Variants in CACNA1A observed in about 807,000 individuals in gnomAD.
CACNA1A encodes the protein voltage-dependent P/Q-type calcium channel subunit alpha-1A.
Under a neutral mutation model 262.4 loss-of-function variants are expected in CACNA1A, and 57 were observed. The ratio of observed to expected loss-of-function variants is 0.22; its 90% CI spans 0.18 to 0.27. The LOEUF is 0.27. Among genes scored for constraint, CACNA1A ranks in the 10% least tolerant of loss-of-function variants. The probability of loss-of-function intolerance (pLI) is 1.00; values close to 1 mark genes in which losing one functional copy is unlikely to be tolerated. For missense variants in CACNA1A, 2,526 were observed against 3,562.8 expected (o/e 0.71, Z 7.41); for synonymous variants, 1,431 against 1,419.3 (o/e 1.01, Z -0.18).
intron 34 of CACNA1A, among the ~76,000 whole-genome samples, chr19:13,232,439 GCTC>G (rs1470438246): frequency 1.3e-5 from 2 of 151,942 alleles, no homozygotes; most frequent in Non-Finnish European, 2.9e-5. Context: ...TGCTTTAAAA[GCTC>G]CCCTCTTGGC....
intron 10 of CACNA1A, among the ~76,000 whole-genome samples, chr19:13,327,567 T>C (rs1424552316): frequency 6.6e-6 from 1 of 150,620 alleles, no homozygotes; most frequent in East Asian, 1.9e-4. Context: ...TACATATATA[T>C]GTATATGCAG....
At chr19:13,283,212 A>G in intron 22 of CACNA1A, 55 bp downstream of exon 22, 1 of 1,591,934 alleles carries the variant, frequency 6.3e-7, no homozygotes, top group Non-Finnish European at 8.6e-7. Flanking sequence ...TGCAGGAGAA[A>G]GTGGCCTGAG....
At chr19:13,409,958 A>C (rs958086269) in intron 3 of CACNA1A, among the ~76,000 whole-genome samples, 1 of 152,182 alleles carries the variant, frequency 6.6e-6, no homozygotes, top group African/African-American at 2.4e-5. Context: ...ATAAAAATAT[A>C]AAAACATTAG....
intron 1 of CACNA1A, among the ~76,000 whole-genome samples, chr19:13,479,700 G>C (rs1979023351): frequency 6.6e-6 from 1 of 152,214 alleles, no homozygotes; most frequent in African/African-American, 2.4e-5. Context: ...TGTCTTATCA[G>C]ACAAACAAGC....
chr19:13,351,473 C>T (rs1056875907), intron 6 of CACNA1A, among the ~76,000 whole-genome samples: 3 of 152,042 alleles, frequency 2.0e-5, no homozygotes, highest in Non-Finnish European at 4.4e-5. Context: ...TCCCAAGTAG[C>T]TGGAACTACA....
intron 1 of CACNA1A, among the ~76,000 whole-genome samples, chr19:13,504,138 G>A (rs1982732168): frequency 6.6e-6 from 1 of 152,046 alleles, no homozygotes; most frequent in Non-Finnish European, 1.5e-5. Context: ...GAGCTAACTG[G>A]GTGTGCACCC....
In CACNA1A at chr19:13,336,605, GAGA is replaced by G. The variant is rs1568547509; in HGVS notation, c.979-699_979-697del. Among the ~76,000 whole-genome samples, 23 of 131,620 alleles carry G rather than the reference GAGA, an allele frequency of 1.7e-4. 1 individual carries two copies. Among genetic ancestry groups the G allele is most frequent in the African/African-American group, 5.0e-4 (17 of 33,800 alleles). The allele number at this position is 131,620 out of a possible 152,430, so 86.3% of individuals were successfully genotyped here. A position where few individuals can be genotyped will look rare whatever the true frequency, so the allele number is the denominator to read the frequency against. On this transcript the variant is annotated intron_variant, in intron 6 of 46. Coordinates refer to ENST00000360228, the MANE Select transcript of CACNA1A (RefSeq NM_001127222.2). ...ACAGAGAGAGAGAGGGAGAGAGAGA[GAGA>G]GAGAGAGAGAGAGAGAGAGAGAGAG...
At chr19:13,336,527 T>C (rs1438581748) in intron 6 of CACNA1A, among the ~76,000 whole-genome samples, 2 of 138,522 alleles carry the variant, frequency 1.4e-5, no homozygotes, top group African/African-American at 5.5e-5. Flanking sequence ...GGAAGTAAGA[T>C]GAGGGGAAGA....
chr19:13,363,857 C>T (rs900571159), intron 5 of CACNA1A: 2 of 152,290 alleles, frequency 1.3e-5, no homozygotes, highest in African/African-American at 4.8e-5. Context: ...CCCAGATGGC[C>T]AGTGGTCCAA....
At chr19:13,282,688 G>GC (rs954872618) in intron 22 of CACNA1A, among the ~76,000 whole-genome samples, 1 of 151,730 alleles carries the variant, frequency 6.6e-6, no homozygotes, top group African/African-American at 2.4e-5. Context: ...GGATGCCTGG[G>GC]CGGGGGGTTG....
chr19:13,464,762 G>GA (rs939521485), intron 1 of CACNA1A, among the ~76,000 whole-genome samples: 26 of 151,572 alleles, frequency 1.7e-4, no homozygotes, highest in South Asian at 4.2e-4. Flanking sequence ...GTTAGCCAGG[G>GA]TGGTCTCGAT....
chr19:13,417,889 CAAA>C (rs113789898), intron 3 of CACNA1A, among the ~76,000 whole-genome samples: 9 of 83,380 alleles, frequency 1.1e-4, no homozygotes, highest in Admixed American at 1.4e-4. Flanking sequence ...GACTCCATCT[CAAA>C]AAAAAAAAAA....
chr19:13,350,876 C>T (rs577132939), intron 6 of CACNA1A, among the ~76,000 whole-genome samples: 3 of 152,200 alleles, frequency 2.0e-5, no homozygotes, highest in Admixed American at 1.3e-4. Flanking sequence ...ATGGTATGTG[C>T]TTACAGCCCT....
At chr19:13,486,857 A>ATC (rs375465542) in intron 1 of CACNA1A, among the ~76,000 whole-genome samples, 39 of 138,286 alleles carry the variant, frequency 2.8e-4, no homozygotes, top group South Asian at 9.4e-4. Flanking sequence ...TTTCTCTCTC[A>ATC]TCTCTCTCTC....
chr19:13,215,644 G>A (rs974133690), intron 38 of CACNA1A, among the ~76,000 whole-genome samples: 19 of 144,860 alleles, frequency 1.3e-4, no homozygotes, highest in Non-Finnish European at 2.4e-4. Context: ...TTTTGACAGA[G>A]TCTCTCTCTG....
intron 6 of CACNA1A, among the ~76,000 whole-genome samples, chr19:13,339,312 T>TC (rs1436225078): frequency 9.9e-5 from 15 of 151,776 alleles, no homozygotes; most frequent in African/African-American, 3.6e-4. Context: ...TTATAGGAGG[T>TC]CCCTAGAGTC....
At position 13,308,475 on chromosome 19, in the gene CACNA1A, T is replaced by C. The variant is rs1555759053; in HGVS notation, c.1722A>G (p.Thr574=). 9.3e-6 allele frequency: 15 copies of C among 1,613,704 alleles called. No homozygotes were observed. The highest frequency in any genetic ancestry group is 1.3e-5 in the Non-Finnish European group (15 of 1,179,796). Residue 574 remains threonine (T), a synonymous_variant, in exon 13 of 47, where the codon ACA becomes ACG. Transcript: ENST00000360228. The surrounding 1 kb of genome is among the most constrained non-coding windows in gnomAD (Gnocchi z 4.2). ...EVIWAVIKPG[T]SFGISVLRAL... is the part of the protein sequence containing the mutation. ...CTCGTAACACGCTGATTCCAAAGGA[T>C]GTGCCAGGTTTTATGACAGCCCAGA...
At chr19:13,504,460 C>G (rs1982769558) in intron 1 of CACNA1A, among the ~76,000 whole-genome samples, 1 of 152,144 alleles carries the variant, frequency 6.6e-6, no homozygotes, top group Non-Finnish European at 1.5e-5. Context: ...GTTGCAATCC[C>G]AGCACCCAGG....
At chr19:13,481,024 T>C (rs975472688) in intron 1 of CACNA1A, among the ~76,000 whole-genome samples, 3 of 152,192 alleles carry the variant, frequency 2.0e-5, no homozygotes, top group Non-Finnish European at 2.9e-5. Context: ...AGACCTCAGA[T>C]AGTGAGTCTC....
Sources: gnomAD v4.1 joint callset for allele counts (sites outside exome capture counted in the v4.1 genomes callset) on GRCh38, gnomAD v4.1.1 for gene constraint, Gnocchi (gnomAD v3.1) non-coding constraint, MANE v1.5 for transcripts, NCBI Gene and HGNC (gene_info 2026-07-23, HGNC 2026-07-21) for gene names.